The following WDPCP variants were observed in gnomAD, a reference collection of about 807,000 sequenced individuals.
The protein encoded by WDPCP is WD repeat containing planar cell polarity effector.
Under a neutral mutation model 93.1 loss-of-function variants are expected in WDPCP, and 71 were observed. The ratio of observed to expected loss-of-function variants is 0.76; its 90% confidence interval spans 0.63 to 0.93. The LOEUF (loss-of-function observed/expected upper bound fraction) is 0.93, where lower values mean the gene tolerates loss of function less well. Ranked by LOEUF, WDPCP falls within the 40% of genes least tolerant of loss-of-function variation. The pLI, the probability that WDPCP is intolerant of heterozygous loss-of-function variation, is 0.00. For synonymous variants in WDPCP, 315 were observed against 315.0 expected (o/e 1.00, Z 0.00); for missense variants, 844 against 887.4 (o/e 0.95, Z 0.62).
upstream of WDPCP, chr2:63,589,491 A>G: frequency 8.9e-7 from 1 of 1,123,078 alleles, no homozygotes; most frequent in Admixed American, 2.0e-5. Flanking sequence ...AAAAAGCTGG[A>G]AAGGTAGTAT....
intron 12 of WDPCP, among the ~76,000 whole-genome samples, chr2:63,375,504 G>A (rs1691773444): frequency 6.6e-6 from 1 of 151,706 alleles, no homozygotes; most frequent in South Asian, 2.1e-4. Flanking sequence ...TACATTTCTA[G>A]GGAGCATTTC....
intron 2 of WDPCP, among the ~76,000 whole-genome samples, chr2:63,729,910 T>G (rs915536353): frequency 2.6e-5 from 4 of 152,216 alleles, no homozygotes; most frequent in Admixed American, 2.6e-4. Context: ...ATGCTGAAAT[T>G]CATCAAATAT....
In WDPCP at chr2:63,252,764, G is replaced by A. The variant is rs139443570; in HGVS notation, c.1915+6543C>T. ...AATACCGCTGAAAGAAATCACAGAC[G>A]ACACCAACAAATGGAAAAACTTCCA... On this transcript the variant is annotated intron_variant, in intron 14 of 17. Transcript: ENST00000272321. 7.3e-3 allele frequency among the ~76,000 whole-genome samples: 1,104 copies of A among 152,108 alleles called. 7 individuals are homozygous for A. Among genetic ancestry groups the A allele is most frequent in the Non-Finnish European group, 9.3e-3 (631 of 67,978 alleles).
At chr2:63,603,655 CTTTTTT>C (rs11297982) in intron 3 of WDPCP, among the ~76,000 whole-genome samples, 1 of 99,112 alleles carries the variant, frequency 1.0e-5, no homozygotes, top group Non-Finnish European at 1.9e-5. Context: ...CAAGACATTT[CTTTTTT>C]TTTTTTTTTT....
intron 2 of WDPCP, among the ~76,000 whole-genome samples, chr2:63,743,949 GC>G (rs1669760041): frequency 6.6e-6 from 1 of 152,062 alleles, no homozygotes; most frequent in Admixed American, 6.6e-5. Flanking sequence ...AGTGTAATAA[GC>G]CCCTTAATGG....
intron 17 of WDPCP, among the ~76,000 whole-genome samples, chr2:63,134,343 A>T (rs1670475830): frequency 6.6e-6 from 1 of 152,236 alleles, no homozygotes. Flanking sequence ...TTCCTGCTCC[A>T]ATATAATAGA....
intron 1 of WDPCP, among the ~76,000 whole-genome samples, chr2:63,577,792 A>G (rs1245244772): frequency 1.3e-5 from 2 of 152,174 alleles, no homozygotes; most frequent in Admixed American, 1.3e-4. Context: ...CCTAATCCCA[A>G]TCATAGACTA....
intron 13 of WDPCP, among the ~76,000 whole-genome samples, chr2:63,272,746 C>G (rs899940823): frequency 1.2e-4 from 18 of 152,244 alleles, no homozygotes; most frequent in African/African-American, 4.1e-4. Context: ...AACTGGAAGA[C>G]AGTTTTGACA....
At chr2:63,612,715 A>T (rs1056686093) in intron 3 of WDPCP, among the ~76,000 whole-genome samples, 2 of 152,080 alleles carry the variant, frequency 1.3e-5, no homozygotes, top group African/African-American at 4.8e-5. Flanking sequence ...TATAAACTCA[A>T]ATTCTAACCA....
rs1406121080 is a variant in WDPCP, at chr2:63,231,817, T to C, written c.1915+27490A>G. Reference sequence around the variant, plus strand: ...GCTACCATTGACTTTCTTCACAGAATTGGAAAAAACTACTTTAAAGTTCAT... The same window carrying C: ...GCTACCATTGACTTTCTTCACAGAACTGGAAAAAACTACTTTAAAGTTCAT... On this transcript the variant is annotated intron_variant, in intron 14 of 17. Transcript: ENST00000272321. Among the ~76,000 whole-genome samples, 3 of 152,206 alleles carry C rather than the reference T, an allele frequency of 2.0e-5. No homozygotes were observed. In the East Asian group the frequency reaches 5.8e-4, roughly 29 times the overall value.
At chr2:63,259,451 C>G in intron 13 of WDPCP, 42 bp from the exon 14 acceptor site, 2 of 1,509,876 alleles carry the variant, frequency 1.3e-6, no homozygotes, top group Non-Finnish European at 1.8e-6. Flanking sequence ...TCAAAATGAA[C>G]CTTGCCCAAG....
intron 1 of WDPCP, among the ~76,000 whole-genome samples, chr2:63,814,863 T>C (rs1670907872): frequency 6.6e-6 from 1 of 152,202 alleles, no homozygotes; most frequent in South Asian, 2.1e-4. Context: ...ATGGTTTCAA[T>C]AGGATATGTT....
intron 2 of WDPCP, among the ~76,000 whole-genome samples, chr2:63,658,105 G>T (rs939980107): frequency 1.6e-4 from 24 of 152,014 alleles, no homozygotes; most frequent in African/African-American, 4.6e-4. Context: ...ACATCCCATT[G>T]TTCTCTATGG....
chr2:63,823,087 CTTGT>C (rs1305393422), intron 1 of WDPCP, among the ~76,000 whole-genome samples: 6 of 149,378 alleles, frequency 4.0e-5, no homozygotes, highest in Admixed American at 1.4e-4. Flanking sequence ...CTTAAAATGT[CTTGT>C]TTTTGTTTTT....
chr2:63,575,971 C>T (rs893406810), intron 1 of WDPCP, among the ~76,000 whole-genome samples: 2 of 151,842 alleles, frequency 1.3e-5, no homozygotes, highest in African/African-American at 4.8e-5. Flanking sequence ...AGTTTATTTC[C>T]TTTTTACAGG....
chr2:63,699,664 T>C (rs1223383580), intron 2 of WDPCP, among the ~76,000 whole-genome samples: 1 of 152,146 alleles, frequency 6.6e-6, no homozygotes, highest in Admixed American at 6.5e-5. Flanking sequence ...GAATGAGTCA[T>C]GGCATAACAA....
At position 63,202,488 on chromosome 2, in the gene WDPCP, T is replaced by G. The variant is rs1328042210; in HGVS notation, c.1916-27656A>C. Among the ~76,000 whole-genome samples the G allele has an allele frequency of 2.6e-5, 4 of 152,260 alleles. No individual in the cohort carries two copies. In the East Asian group the frequency reaches 7.7e-4, roughly 29 times the overall value. ...TCTAAAAGATCTACCTCATTGATTA[T>G]GTTGTTTAGATTTTCTATTTCCTCC... On this transcript the variant is annotated intron_variant, in intron 14 of 17. Coordinates refer to ENST00000272321, the MANE Select transcript of WDPCP (RefSeq NM_015910.7).
intron 3 of WDPCP, among the ~76,000 whole-genome samples, chr2:63,612,887 T>C (rs1451205149): frequency 6.6e-6 from 1 of 152,132 alleles, no homozygotes; most frequent in Non-Finnish European, 1.5e-5. Context: ...ATGTTATTTT[T>C]TTCTCCCCAT....
intron 14 of WDPCP, among the ~76,000 whole-genome samples, chr2:63,215,913 T>C (rs1574898895): frequency 6.6e-6 from 1 of 152,294 alleles, no homozygotes; most frequent in African/African-American, 2.4e-5. Context: ...AACAGACATT[T>C]CTCAAAAGAA....
Sources: gnomAD v4.1 joint callset for allele counts (sites outside exome capture counted in the v4.1 genomes callset) on GRCh38, gnomAD v4.1.1 for gene constraint, MANE v1.5 for transcripts, NCBI Gene and HGNC (gene_info 2026-07-23, HGNC 2026-07-21) for gene names.